Variants in HOOK3 observed in about 807,000 individuals in gnomAD.
The protein encoded by HOOK3 is hook microtubule tethering protein 3, also known as protein Hook homolog 3.
In HOOK3, 24 loss-of-function variants were observed where a neutral mutation model predicts 116.3. The ratio of observed to expected loss-of-function variants is 0.21; its 90% CI spans 0.15 to 0.29. The LOEUF is 0.29. HOOK3 is among the 10% of genes least tolerant of loss of function. The pLI, the probability that HOOK3 is intolerant of heterozygous loss-of-function variation, is 1.00. For synonymous variants in HOOK3, 275 were observed against 283.0 expected (o/e 0.97, Z 0.28); for missense variants, 632 against 830.2 (o/e 0.76, Z 2.93).
At chr8:42,987,932 T>C (rs1019850857) in intron 15 of HOOK3, among the ~76,000 whole-genome samples, 2 of 152,144 alleles carry the variant, frequency 1.3e-5, no homozygotes, top group African/African-American at 4.8e-5. Context: ...ATAGCTCACC[T>C]GACATTACAG....
At chr8:42,930,051 A>C in intron 3 of HOOK3, 71 bp from the exon 4 acceptor site, 1 of 1,416,044 alleles carries the variant, frequency 7.1e-7, no homozygotes, top group Admixed American at 2.6e-5. Flanking sequence ...TTGGCTCAGA[A>C]ATTTTTTATG....
intron 4 of HOOK3, among the ~76,000 whole-genome samples, chr8:42,939,482 G>A (rs539824710): frequency 6.7e-4 from 98 of 146,194 alleles, no homozygotes; most frequent in East Asian, 2.1e-3. Context: ...GGGCAGAGGC[G>A]CCCCTCACCT....
At position 43,021,844 on chromosome 8, in the gene HOOK3, A is replaced by AT. The variant is rs1809836036; in HGVS notation, c.*3352dup. On this transcript the variant is annotated 3_prime_UTR_variant, in exon 22 of 22. Transcript: ENST00000307602. ...CCACTACGCCCGACTAATTTTTTGT[A>AT]TTTTTTAGTAGAGACGGGGTTTCAC... 6.5e-6 allele frequency: 1 copy of AT among 154,690 alleles called. No individual in the cohort carries two copies. The highest frequency in any genetic ancestry group is 2.5e-5 in the African/African-American group (1 of 40,232). The allele number at this position is 154,690 out of a possible 1,614,324, so 9.6% of individuals were successfully genotyped here.
Position 42,930,144 on chromosome 8 carries a change from T to C in HOOK3, c.239T>C (p.Leu80Ser), listed in dbSNP as rs1013950868. The C allele has an allele frequency of 1.9e-5, 29 of 1,555,604 alleles. No individual in the cohort carries two copies. Among genetic ancestry groups the C allele is most frequent in the Non-Finnish European group, 2.4e-5 (28 of 1,148,930 alleles). ...CAGATAAGCAATTTAAAGAAAATTT[T>C]AAAAGGAATCTTGGATTATAATCAT... ...RLKISNLKKILKGILDYNHEI... is the reference protein window; with the variant it reads ...RLKISNLKKISKGILDYNHEI... Residue 80 changes from leucine (L) to serine (S), a missense_variant, in exon 4 of 22, where the codon TTA (leucine) becomes TCA (serine). This residue lies in a region of HOOK3 where 141 missense variants were observed against 150.8 expected (regional missense o/e 0.93). Transcript: ENST00000307602.
At chr8:43,000,186 T>C (rs1809352766) in intron 16 of HOOK3, 1 of 805,172 alleles carries the variant, frequency 1.2e-6, no homozygotes, top group Non-Finnish European at 1.8e-6. Flanking sequence ...TGTTCATGAA[T>C]TACTAAATCG....
intron 15 of HOOK3, among the ~76,000 whole-genome samples, chr8:42,990,878 T>C (rs776947982): frequency 9.9e-5 from 15 of 152,198 alleles, no homozygotes; most frequent in Non-Finnish European, 1.3e-4. Flanking sequence ...TATGGAGTAT[T>C]ACTCAAGAAA....
At chr8:42,999,633 T>C (rs1355615121) in intron 16 of HOOK3, among the ~76,000 whole-genome samples, 2 of 152,226 alleles carry the variant, frequency 1.3e-5, no homozygotes, top group African/African-American at 4.8e-5. Flanking sequence ...GCTTCTGTTA[T>C]CAAAAGCACA....
chr8:43,014,798 T>G (rs1311642582), intron 21 of HOOK3, among the ~76,000 whole-genome samples: 1 of 152,192 alleles, frequency 6.6e-6, no homozygotes, highest in African/African-American at 2.4e-5. Context: ...TTGTCAAAAA[T>G]TCATAAATTT....
At chr8:42,971,317 A>G (rs562931698) in intron 11 of HOOK3, among the ~76,000 whole-genome samples, 1 of 152,298 alleles carries the variant, frequency 6.6e-6, no homozygotes, top group South Asian at 2.1e-4. Context: ...CTCAGGCTAG[A>G]GTGCAGTGGT....
rs745333293 is a variant in HOOK3 at position 42,964,327 on chromosome 8, A to T, written c.632A>T (p.Glu211Val). Residue 211 changes from glutamate to valine, a missense_variant, in exon 9 of 22, where the codon GAA becomes GTA. Coordinates refer to ENST00000307602, the MANE Select transcript of HOOK3 (RefSeq NM_032410.4). ...TTCCAACAGGTTGCAGCATTGCAGG[A>T]AGAGAAAAGTAGTTTGTTGGCAGAG... ...ELDMQVAALQ[E>V]EKSSLLAENQ... 1 of 1,614,170 alleles carries T rather than the reference A, an allele frequency of 6.2e-7. No individual in the cohort carries two copies.
intron 19 of HOOK3, among the ~76,000 whole-genome samples, chr8:43,012,544 A>G (rs1809633171): frequency 6.6e-6 from 1 of 152,188 alleles, no homozygotes; most frequent in Non-Finnish European, 1.5e-5. Flanking sequence ...TACAAATATT[A>G]TGTACCCATA....
intron 7 of HOOK3, among the ~76,000 whole-genome samples, chr8:42,958,728 C>T (rs1297143441): frequency 6.6e-6 from 1 of 151,232 alleles, no homozygotes; most frequent in Non-Finnish European, 1.5e-5. Context: ...AAGGCCAACA[C>T]TCATTAGGTA....
intron 1 of HOOK3, 42 bp downstream of exon 1, chr8:42,897,230 C>G (rs964083982): frequency 1.7e-6 from 2 of 1,203,220 alleles, no homozygotes; most frequent in South Asian, 4.2e-5. Flanking sequence ...CCCCTCCCCC[C>G]GCCACCTACC....
chr8:42,962,593 A>G (rs866277040), intron 8 of HOOK3, among the ~76,000 whole-genome samples: 1 of 151,184 alleles, frequency 6.6e-6, no homozygotes, highest in African/African-American at 2.4e-5. Context: ...TTTTGTGGAG[A>G]CAGGGTCTCA....
chr8:43,018,274 C>A, intron 21 of HOOK3, 84 bp from the exon 22 acceptor site: 2 of 1,311,674 alleles, frequency 1.5e-6, no homozygotes, highest in Admixed American at 2.6e-5. Context: ...TACACTGTAA[C>A]AAATTCTGCA....
At chr8:42,904,462 A>G (rs1235548987) in intron 1 of HOOK3, among the ~76,000 whole-genome samples, 1 of 151,860 alleles carries the variant, frequency 6.6e-6, no homozygotes, top group Non-Finnish European at 1.5e-5. Context: ...GGTGTGTGCC[A>G]TCAGGCCTGG....
Position 43,021,549 on chromosome 8 carries a change from C to A in HOOK3, c.*3051C>A. ...AACTCCTGACCTCGTGATCTACCCA[C>A]CTCGGCCTCCCAAAGTGCTGAGATT... On this transcript the variant is annotated 3_prime_UTR_variant, in exon 22 of 22. Coordinates refer to ENST00000307602, the MANE Select transcript of HOOK3 (RefSeq NM_032410.4). 1 of 177,484 alleles carries A rather than the reference C, an allele frequency of 5.6e-6. No individual in the cohort carries two copies. Among genetic ancestry groups the A allele is most frequent in the Non-Finnish European group, 1.2e-5 (1 of 82,692 alleles). 11.0% of individuals were successfully genotyped at this position (177,484 alleles called of 1,614,324 possible).
intron 15 of HOOK3, among the ~76,000 whole-genome samples, chr8:42,987,524 A>T (rs867979756): frequency 6.6e-6 from 1 of 152,218 alleles, no homozygotes; most frequent in Non-Finnish European, 1.5e-5. Context: ...GGAGAGCAGT[A>T]GCTCCCTCGT....
chr8:42,920,183 T>C (rs1807629785), intron 2 of HOOK3, among the ~76,000 whole-genome samples: 1 of 152,198 alleles, frequency 6.6e-6, no homozygotes, highest in Non-Finnish European at 1.5e-5. Context: ...CATGAAGAGC[T>C]TCTCCAGTAA....
Sources: allele counts gnomAD v4.1 joint callset (sites outside exome capture counted in the v4.1 genomes callset), GRCh38; gene constraint gnomAD v4.1.1; regional missense constraint gnomAD v4.1.1; transcripts MANE v1.5; gene names NCBI Gene and HGNC (gene_info 2026-07-23, HGNC 2026-07-21).